Variants in PTPRN2 observed in about 807,000 individuals in gnomAD.
PTPRN2 encodes the protein receptor-type tyrosine-protein phosphatase N2.
In PTPRN2, 74 loss-of-function variants were observed where a neutral mutation model predicts 118.8. The ratio of observed to expected loss-of-function variants is 0.62; its 90% CI spans 0.52 to 0.76. The LOEUF is 0.76. Ranked by LOEUF, PTPRN2 falls within the 30% of genes least tolerant of loss-of-function variation. The pLI is 0.00. For synonymous variants in PTPRN2, 641 were observed against 608.0 expected (o/e 1.05, Z -0.80); for missense variants, 1,481 against 1,394.4 (o/e 1.06, Z -0.99).
intron 2 of PTPRN2, among the ~76,000 whole-genome samples, chr7:158,478,953 G>A (rs906877584): frequency 1.3e-5 from 2 of 152,104 alleles, no homozygotes; most frequent in African/African-American, 2.4e-5. Context: ...GTGTCACCGC[G>A]ACAGTCACTG....
At chr7:157,853,676 T>A (rs7357213) in intron 12 of PTPRN2, among the ~76,000 whole-genome samples, 2 of 151,826 alleles carry the variant, frequency 1.3e-5, no homozygotes, top group Non-Finnish European at 2.9e-5. Flanking sequence ...TCATGTAGAA[T>A]AACCGAGCCA....
chr7:157,554,862 A>G lies in PTPRN2; in HGVS notation c.2903-5843T>C, dbSNP rs373246700. On this transcript the variant is annotated intron_variant, in intron 21 of 22. Transcript: ENST00000389418. The stretch of plus-strand genomic sequence containing the variant: ...AAACACCAGGGAAATGAATGGACTC[A>G]GTGGAGCCACTTTCTGCTACTTGAC... Among the ~76,000 whole-genome samples, 12 of 151,410 alleles carry G rather than the reference A, an allele frequency of 7.9e-5. No individual in the cohort carries two copies. The East Asian group carries it at 1.7e-3, about 22-fold the overall frequency.
At chr7:157,810,488 G>A (rs1805929928) in intron 12 of PTPRN2, among the ~76,000 whole-genome samples, 2 of 150,550 alleles carry the variant, frequency 1.3e-5, no homozygotes, top group East Asian at 2.0e-4. Context: ...GGGGCTGCTG[G>A]GCACAGGGTC....
rs1258505937 is a variant in PTPRN2, at chr7:158,525,106, C to G, written c.113-35321G>C. 6.6e-6 allele frequency among the ~76,000 whole-genome samples: 1 copy of G among 152,158 alleles called. No individual in the cohort carries two copies. The highest frequency in any genetic ancestry group is 2.4e-5 in the African/African-American group (1 of 41,426). ...TGACTGAACCCTCAAGCTGGCCCTC[C>G]ATGCGAAGAAATGCTGCGTCCCAGG... On this transcript the variant is annotated intron_variant, in intron 1 of 22. Coordinates refer to ENST00000389418, the MANE Select transcript of PTPRN2 (RefSeq NM_002847.5). The surrounding 1 kb of genome is among the most constrained non-coding windows in gnomAD (Gnocchi z 4.1).
At position 157,977,690 on chromosome 7, in the gene PTPRN2, C is replaced by T. The variant is rs1388621737; in HGVS notation, c.1724-78953G>A. On this transcript the variant is annotated intron_variant, in intron 11 of 22. Transcript: ENST00000389418. The surrounding 1 kb of genome is among the most constrained non-coding windows in gnomAD (Gnocchi z 4.6). Reference sequence around the variant, plus strand: ...GGAGCAGAGAGAATGCTGCTCTGTCCAGTACCTGTGAGCAGGGGAGGTGGG... The same window carrying T: ...GGAGCAGAGAGAATGCTGCTCTGTCTAGTACCTGTGAGCAGGGGAGGTGGG... 1.3e-5 allele frequency among the ~76,000 whole-genome samples: 2 copies of T among 151,098 alleles called. No homozygotes were observed. The highest frequency in any genetic ancestry group is 3.0e-5 in the Non-Finnish European group (2 of 67,762).
chr7:157,613,459 G>C (rs1360025514), intron 15 of PTPRN2, among the ~76,000 whole-genome samples: 2 of 152,234 alleles, frequency 1.3e-5, no homozygotes, highest in African/African-American at 2.4e-5. Context: ...TGCGGCCAGA[G>C]ACTTCCGCAA....
At chr7:158,414,276 G>A (rs763186189) in intron 2 of PTPRN2, among the ~76,000 whole-genome samples, 11 of 152,104 alleles carry the variant, frequency 7.2e-5, no homozygotes, top group Non-Finnish European at 1.2e-4. Flanking sequence ...ACTAAACCAT[G>A]AGGTTAAGAC....
chr7:158,130,623 T>C (rs1291491411), intron 9 of PTPRN2, among the ~76,000 whole-genome samples: 1 of 144,566 alleles, frequency 6.9e-6, no homozygotes, highest in Non-Finnish European at 1.5e-5. Context: ...TACACACTCA[T>C]ATGCACATAT....
At chr7:158,564,994 G>C (rs1563439482) in intron 1 of PTPRN2, among the ~76,000 whole-genome samples, 1 of 152,156 alleles carries the variant, frequency 6.6e-6, no homozygotes, top group Non-Finnish European at 1.5e-5. Context: ...CGCAGGCCCT[G>C]CCCCACGTAA....
intron 3 of PTPRN2, among the ~76,000 whole-genome samples, chr7:158,308,477 A>G (rs1431958287): frequency 2.0e-5 from 3 of 152,202 alleles, no homozygotes; most frequent in Admixed American, 6.5e-5. Flanking sequence ...AGTATGTAAC[A>G]TTTATTTTCT....
chr7:157,982,608 G>A (rs556642264), intron 11 of PTPRN2, among the ~76,000 whole-genome samples: 1 of 140,330 alleles, frequency 7.1e-6, no homozygotes, highest in East Asian at 2.3e-4. Flanking sequence ...AGAGTGCAGG[G>A]TCCCCCCTAA....
At chr7:157,921,931 A>G (rs1338223142) in intron 11 of PTPRN2, among the ~76,000 whole-genome samples, 1 of 152,200 alleles carries the variant, frequency 6.6e-6, no homozygotes, top group East Asian at 1.9e-4. Flanking sequence ...AGATGGGAGC[A>G]ATGGAGAGAC....
chr7:157,811,226 G>A (rs377006199), intron 12 of PTPRN2, among the ~76,000 whole-genome samples: 17 of 148,712 alleles, frequency 1.1e-4, no homozygotes, highest in East Asian at 6.0e-4. Flanking sequence ...AGCGGAGATC[G>A]CACCACTATA....
intron 4 of PTPRN2, 92 bp downstream of exon 4, chr7:158,205,079 T>C (rs924487573): frequency 9.1e-7 from 1 of 1,097,160 alleles, no homozygotes; most frequent in African/African-American, 1.6e-5. Flanking sequence ...GGTGCTTTGC[T>C]ACATTAAAAC....
At chr7:157,776,262 C>CTCCCT (rs1803227764) in intron 12 of PTPRN2, among the ~76,000 whole-genome samples, 22 of 142,856 alleles carry the variant, frequency 1.5e-4, no homozygotes, top group South Asian at 7.1e-4. Flanking sequence ...TCTCCTCCTC[C>CTCCCT]CTCCTCTTCC....
chr7:158,341,782 C>A (rs1315564373), intron 2 of PTPRN2, among the ~76,000 whole-genome samples: 3 of 140,890 alleles, frequency 2.1e-5, no homozygotes, highest in East Asian at 2.2e-4. Flanking sequence ...CACCTGCAGA[C>A]GTCACTCACA....
Position 157,824,150 on chromosome 7 carries a change from C to CAGCCTCCTGTG in PTPRN2, c.1788+74512_1788+74522dup, listed in dbSNP as rs942737513. Among the ~76,000 whole-genome samples the CAGCCTCCTGTG allele has an allele frequency of 1.4e-4, 22 of 152,158 alleles. 1 individual carries two copies. The highest frequency in any genetic ancestry group is 5.1e-4 in the African/African-American group (21 of 41,440). ...TCAGACCGTCAGTGGGGTTTGTGCA[C>CAGCCTCCTGTG]AGCCTCCTGTGACCCTCCTGAAGGT... On this transcript the variant is annotated intron_variant, in intron 12 of 22. Transcript: ENST00000389418.
intron 3 of PTPRN2, among the ~76,000 whole-genome samples, chr7:158,244,805 TGTGA>T (rs1796106780): frequency 1.4e-5 from 2 of 143,902 alleles, no homozygotes; most frequent in Non-Finnish European, 3.0e-5. Context: ...GTGAGTTGTG[TGTGA>T]GAGTGTGTAT....
chr7:157,679,316 T>C (rs941062347), intron 13 of PTPRN2, among the ~76,000 whole-genome samples: 1 of 152,216 alleles, frequency 6.6e-6, no homozygotes, highest in African/African-American at 2.4e-5. Context: ...TTTAAGAATA[T>C]ATTTCAGTTA....
Sources: allele counts gnomAD v4.1 joint callset (sites outside exome capture counted in the v4.1 genomes callset), GRCh38; gene constraint gnomAD v4.1.1; non-coding constraint Gnocchi (gnomAD v3.1); transcripts MANE v1.5; gene names NCBI Gene and HGNC (gene_info 2026-07-23, HGNC 2026-07-21).